COG5: variants seen among roughly 807,000 people sequenced by gnomAD.
COG5 encodes component of oligomeric golgi complex 5.
A neutral mutation model predicts 110.4 loss-of-function variants in COG5; 86 were observed. The ratio of observed to expected loss-of-function variants is 0.78; its 90% CI spans 0.65 to 0.93. COG5 has a LOEUF of 0.93. Ranked by LOEUF, COG5 falls within the 40% of genes least tolerant of loss-of-function variation. COG5 has a pLI of 0.00. For synonymous variants in COG5, 360 were observed against 334.6 expected (o/e 1.08, Z -0.83); for missense variants, 1,077 against 987.0 (o/e 1.09, Z -1.22).
intron 6 of COG5, among the ~76,000 whole-genome samples, chr7:107,512,942 C>T (rs1422016000): frequency 6.6e-6 from 1 of 151,988 alleles, no homozygotes; most frequent in Non-Finnish European, 1.5e-5. Context: ...ACCATAAAAA[C>T]CCTAGAAGAA....
At chr7:107,515,618 T>C (rs970551685) in intron 6 of COG5, among the ~76,000 whole-genome samples, 2 of 152,170 alleles carry the variant, frequency 1.3e-5, no homozygotes, top group Non-Finnish European at 2.9e-5. Context: ...TATCCATCGA[T>C]GGGAGGTGGA....
At chr7:107,366,354 A>G (rs1227538043) in intron 8 of COG5, among the ~76,000 whole-genome samples, 1 of 152,158 alleles carries the variant, frequency 6.6e-6, no homozygotes, top group African/African-American at 2.4e-5. Flanking sequence ...CTCCCACAGC[A>G]TGCCCAGCAC....
In COG5 at chr7:107,281,411, G is replaced by C; in HGVS notation, c.1476-12C>G. ...CAACATTTAGTTCACTGGAGAAAAT[G>C]AAAACAGTTTTTAAATATTAGCAAC... On this transcript the variant is annotated splice_polypyrimidine_tract_variant and intron_variant, in intron 13 of 21. Transcript: ENST00000297135. The C allele has an allele frequency of 6.3e-7, 1 of 1,590,054 alleles. No homozygotes were observed. The highest frequency in any genetic ancestry group is 8.6e-7 in the Non-Finnish European group (1 of 1,158,352).
At chr7:107,430,759 C>G (rs900017388) in intron 6 of COG5, among the ~76,000 whole-genome samples, 3 of 152,132 alleles carry the variant, frequency 2.0e-5, no homozygotes, top group African/African-American at 2.4e-5. Flanking sequence ...CAACCTAATC[C>G]TCAGAATTTG....
chr7:107,410,076 T>C (rs1015632567), intron 7 of COG5, among the ~76,000 whole-genome samples: 7 of 152,180 alleles, frequency 4.6e-5, no homozygotes, highest in Non-Finnish European at 8.8e-5. Flanking sequence ...AGAAGTAAAA[T>C]AGGGATAAAT....
intron 5 of COG5, among the ~76,000 whole-genome samples, chr7:107,541,254 T>C (rs1801961721): frequency 1.3e-5 from 2 of 151,818 alleles, no homozygotes; most frequent in South Asian, 2.1e-4. Context: ...TCCAGCACTT[T>C]GGGAGGCCAA....
intron 17 of COG5, among the ~76,000 whole-genome samples, chr7:107,244,680 C>T (rs1281766636): frequency 6.6e-6 from 1 of 151,852 alleles, no homozygotes; most frequent in Non-Finnish European, 1.5e-5. Flanking sequence ...CCTCTAAACC[C>T]AAAAAGTAGA....
chr7:107,301,164 T>C (rs996934583), intron 11 of COG5, among the ~76,000 whole-genome samples: 5 of 152,144 alleles, frequency 3.3e-5, no homozygotes, highest in African/African-American at 1.2e-4. Context: ...AGATTAAATT[T>C]TCTAAAAGAA....
At chr7:107,213,117 C>T (rs183178225) in intron 19 of COG5, among the ~76,000 whole-genome samples, 49 of 152,080 alleles carry the variant, frequency 3.2e-4, no homozygotes, top group African/African-American at 1.1e-3. Flanking sequence ...CTGCCAGCAG[C>T]GGCACCTGAT....
At chr7:107,445,697 T>C (rs760190431) in intron 6 of COG5, among the ~76,000 whole-genome samples, 8 of 152,174 alleles carry the variant, frequency 5.3e-5, no homozygotes, top group Non-Finnish European at 8.8e-5. Context: ...AAATAAAAAA[T>C]ATTGTGATGA....
At chr7:107,516,278 G>T (rs929045926) in intron 6 of COG5, among the ~76,000 whole-genome samples, 1 of 152,164 alleles carries the variant, frequency 6.6e-6, no homozygotes, top group Non-Finnish European at 1.5e-5. Context: ...CTTGGGTGAA[G>T]TGTCTGTTCA....
At chr7:107,280,385 T>C (rs1805069240) in intron 14 of COG5, among the ~76,000 whole-genome samples, 1 of 152,102 alleles carries the variant, frequency 6.6e-6, no homozygotes, top group South Asian at 2.1e-4. Context: ...CCAAGGATCA[T>C]TTTATGTAAA....
chr7:107,259,598 T>A (rs1181749560), intron 14 of COG5, among the ~76,000 whole-genome samples: 1 of 151,364 alleles, frequency 6.6e-6, no homozygotes, highest in Non-Finnish European at 1.5e-5. Context: ...GCAGGGGGGG[T>A]CAAATGCTAA....
intron 12 of COG5, among the ~76,000 whole-genome samples, chr7:107,295,241 CTTAATT>C (rs1310451480): frequency 6.7e-6 from 1 of 149,550 alleles, no homozygotes; most frequent in Non-Finnish European, 1.5e-5. Flanking sequence ...CGTACCCAGT[CTTAATT>C]TTCCTAAGGT....
At chr7:107,483,894 T>TG in intron 6 of COG5, among the ~76,000 whole-genome samples, 1 of 150,834 alleles carries the variant, frequency 6.6e-6, no homozygotes, top group South Asian at 2.1e-4. Flanking sequence ...TTATACATTT[T>TG]TTTTTTTCCT....
chr7:107,331,385 G>A (rs994459173), intron 10 of COG5, among the ~76,000 whole-genome samples: 8 of 151,746 alleles, frequency 5.3e-5, no homozygotes, highest in Admixed American at 2.0e-4. Context: ...GGAGAATGGC[G>A]TGAACCCGGG....
chr7:107,421,058 T>A (rs1449545879), intron 6 of COG5, among the ~76,000 whole-genome samples: 1 of 152,214 alleles, frequency 6.6e-6, no homozygotes, highest in Non-Finnish European at 1.5e-5. Flanking sequence ...CCACAAAAAA[T>A]TGCTCAGAGC....
chr7:107,482,689 T>G (rs1286265288), intron 6 of COG5, among the ~76,000 whole-genome samples: 1 of 151,990 alleles, frequency 6.6e-6, no homozygotes, highest in Non-Finnish European at 1.5e-5. Context: ...TACATTAGAT[T>G]TCTAAGAAAT....
At chr7:107,559,867 A>G (rs768716195) in intron 1 of COG5, among the ~76,000 whole-genome samples, 2 of 152,272 alleles carry the variant, frequency 1.3e-5, no homozygotes, top group Non-Finnish European at 2.9e-5. Context: ...TGTCTAAATC[A>G]TAGCACATGT....
Sources: allele counts gnomAD v4.1 joint callset (sites outside exome capture counted in the v4.1 genomes callset), GRCh38; gene constraint gnomAD v4.1.1; transcripts MANE v1.5; gene names NCBI Gene and HGNC (gene_info 2026-07-23, HGNC 2026-07-21).